GULP1: variants seen among roughly 807,000 people sequenced by gnomAD.
GULP1 encodes GULP PTB domain containing engulfment adaptor 1.
In GULP1, 19 loss-of-function variants were observed where a neutral mutation model predicts 40.9. The observed-to-expected ratio is 0.46, with a 90% confidence interval of 0.32 to 0.68. The LOEUF (loss-of-function observed/expected upper bound fraction) is 0.68. Ranked by LOEUF, GULP1 falls within the 30% of genes least tolerant of loss-of-function variation. The pLI is 0.03. For missense variants in GULP1, 312 were observed against 362.2 expected, an observed-to-expected ratio of 0.86 and a Z score of 1.12; for synonymous variants, 119 against 117.6, an observed-to-expected ratio of 1.01 and a Z score of -0.08.
In GULP1 at chr2:188,587,749, T is replaced by TC. The variant is rs1702694185; in HGVS notation, c.749-106_749-105insC. The TC allele has an allele frequency of 8.9e-6, 6 of 671,234 alleles. No individual in the cohort carries two copies. In the African/African-American group the frequency reaches 1.1e-4, roughly 12 times the overall value. 41.6% of individuals were successfully genotyped at this position (671,234 alleles called of 1,614,324 possible). On this transcript the variant is annotated intron_variant, in intron 10 of 11. Coordinates refer to ENST00000409830, the MANE Select transcript of GULP1 (RefSeq NM_016315.4). Reference sequence around the variant, plus strand: ...ACAGTGTAAGTGTGGGTTAGTGGCTTATTTGATCATGTAAATATTCATTTA... The same window carrying TC: ...ACAGTGTAAGTGTGGGTTAGTGGCTTCATTTGATCATGTAAATATTCATTTA...
intron 1 of GULP1, among the ~76,000 whole-genome samples, chr2:188,356,422 A>G (rs1259396114): frequency 6.6e-6 from 1 of 152,126 alleles, no homozygotes; most frequent in African/African-American, 2.4e-5. Context: ...GAAATCTAGG[A>G]AAGCAATCCC....
chr2:188,447,143 A>T (rs1263522073), intron 2 of GULP1, among the ~76,000 whole-genome samples: 1 of 152,208 alleles, frequency 6.6e-6, no homozygotes, highest in Non-Finnish European at 1.5e-5. Flanking sequence ...AAGAGTTATT[A>T]TCAATAGAAA....
chr2:188,306,677 G>A (rs1216419298), intron 1 of GULP1, among the ~76,000 whole-genome samples: 1 of 152,202 alleles, frequency 6.6e-6, no homozygotes, highest in Non-Finnish European at 1.5e-5. Flanking sequence ...TGAAGCCAGT[G>A]AGGCAGGGAG....
chr2:188,508,717 A>T (rs971906227), intron 4 of GULP1, among the ~76,000 whole-genome samples: 1 of 152,036 alleles, frequency 6.6e-6, no homozygotes, highest in Non-Finnish European at 1.5e-5. Context: ...ATAAGAAAAA[A>T]AATGGCCCTT....
At chr2:188,539,289 T>A (rs1689806171) in intron 6 of GULP1, among the ~76,000 whole-genome samples, 1 of 152,180 alleles carries the variant, frequency 6.6e-6, no homozygotes. Flanking sequence ...TTATTTATCA[T>A]TAACATGCTT....
intron 1 of GULP1, among the ~76,000 whole-genome samples, chr2:188,333,189 TG>T (rs1205014132): frequency 2.7e-5 from 4 of 150,682 alleles, no homozygotes; most frequent in Non-Finnish European, 5.9e-5. Flanking sequence ...AGGCTTACAG[TG>T]AGCCAAGATC....
intron 7 of GULP1, among the ~76,000 whole-genome samples, chr2:188,559,197 C>T (rs1559378639): frequency 6.6e-6 from 1 of 152,136 alleles, no homozygotes; most frequent in East Asian, 1.9e-4. Flanking sequence ...GCCCAGGGTC[C>T]CTGTGCTGTG....
At chr2:188,455,461 G>A (rs1474437396) in intron 2 of GULP1, among the ~76,000 whole-genome samples, 2 of 152,102 alleles carry the variant, frequency 1.3e-5, no homozygotes, top group African/African-American at 2.4e-5. Flanking sequence ...GATCTGATGG[G>A]TTTAAAAATG....
intron 1 of GULP1, among the ~76,000 whole-genome samples, chr2:188,306,441 CTG>C (rs746104934): frequency 1.3e-5 from 2 of 152,044 alleles, no homozygotes; most frequent in Non-Finnish European, 2.9e-5. Flanking sequence ...CATTTGATCT[CTG>C]TGGTATTTGT....
chr2:188,580,524 G>T (rs1409815015), intron 9 of GULP1, among the ~76,000 whole-genome samples: 4 of 143,920 alleles, frequency 2.8e-5, no homozygotes, highest in African/African-American at 1.0e-4. Context: ...CTGCACTCCA[G>T]CCTGGGCGAC....
chr2:188,539,934 AT>A (rs917931312), intron 6 of GULP1, among the ~76,000 whole-genome samples: 1 of 152,074 alleles, frequency 6.6e-6, no homozygotes, highest in Non-Finnish European at 1.5e-5. Flanking sequence ...AACAGTGTAA[AT>A]TTTTATAGCA....
At chr2:188,380,658 A>G (rs1168763914) in intron 1 of GULP1, among the ~76,000 whole-genome samples, 1 of 152,218 alleles carries the variant, frequency 6.6e-6, no homozygotes, top group African/African-American at 2.4e-5. Context: ...CTCCTAAAAC[A>G]TTTTGCAAAT....
At chr2:188,501,191 G>T (rs1326934926) in intron 4 of GULP1, among the ~76,000 whole-genome samples, 1 of 151,878 alleles carries the variant, frequency 6.6e-6, no homozygotes, top group Non-Finnish European at 1.5e-5. Flanking sequence ...TATCAAGGGA[G>T]GGACCCGGTG....
intron 1 of GULP1, among the ~76,000 whole-genome samples, chr2:188,350,998 G>A (rs1559139364): frequency 6.6e-6 from 1 of 152,050 alleles, no homozygotes; most frequent in Non-Finnish European, 1.5e-5. Context: ...TACAAATTTG[G>A]TGGATATTGG....
chr2:188,589,716 C>A (rs896331823), intron 11 of GULP1: 3 of 1,325,476 alleles, frequency 2.3e-6, no homozygotes, highest in South Asian at 1.6e-5. Context: ...TTTTTAAATT[C>A]TTTACTGCTT....
Position 188,538,530 on chromosome 2 carries a change from T to C in GULP1, c.262-2651T>C, listed in dbSNP as rs1344274186. Among the ~76,000 whole-genome samples the C allele has an allele frequency of 2.6e-5, 4 of 152,246 alleles. No homozygotes were observed. In the East Asian group the frequency reaches 7.7e-4, roughly 29 times the overall value. ...ATTTACCCTATGTTACATACGAATA[T>C]AGAGTATATGACTATTTACCCATAT... On this transcript the variant is annotated intron_variant, in intron 6 of 11. Coordinates refer to ENST00000409830, the MANE Select transcript of GULP1 (RefSeq NM_016315.4).
At chr2:188,498,562 A>G (rs1161088035) in intron 4 of GULP1, among the ~76,000 whole-genome samples, 3 of 151,950 alleles carry the variant, frequency 2.0e-5, no homozygotes, top group Non-Finnish European at 4.4e-5. Context: ...AAAATGTTTC[A>G]TGCTGTGCAC....
At chr2:188,585,852 C>G (rs1478448854) in intron 10 of GULP1, among the ~76,000 whole-genome samples, 1 of 152,216 alleles carries the variant, frequency 6.6e-6, no homozygotes, top group Non-Finnish European at 1.5e-5. Context: ...CAAATTTCTG[C>G]AAGAGGCTTG....
At chr2:188,565,788 A>C (rs975739345) in intron 7 of GULP1, among the ~76,000 whole-genome samples, 1 of 152,148 alleles carries the variant, frequency 6.6e-6, no homozygotes, top group Non-Finnish European at 1.5e-5. Flanking sequence ...ATGTCCATCC[A>C]TAGTACAATG....
Sources: allele counts gnomAD v4.1 joint callset (sites outside exome capture counted in the v4.1 genomes callset), GRCh38; gene constraint gnomAD v4.1.1; transcripts MANE v1.5; gene names NCBI Gene and HGNC (gene_info 2026-07-23, HGNC 2026-07-21).